KCNG3: variants seen among roughly 807,000 people sequenced by gnomAD.
KCNG3 encodes the protein potassium voltage-gated channel modifier subfamily G member 3, also known as voltage-gated potassium channel regulatory subunit KCNG3.
KCNG3 carries 15 observed loss-of-function variants against 29.0 expected under a neutral mutation model. The observed-to-expected ratio is 0.52, with a 90% CI of 0.35 to 0.80. The LOEUF (loss-of-function observed/expected upper bound fraction) is 0.80, where lower values mean the gene tolerates loss of function less well. Ranked by LOEUF, KCNG3 falls within the 30% of genes least tolerant of loss-of-function variation. The pLI is 0.01. For missense variants in KCNG3, 512 were observed against 605.7 expected (o/e 0.85, Z 1.62); for synonymous variants, 322 against 248.9 (o/e 1.29, Z -2.76).
intron 1 of KCNG3, among the ~76,000 whole-genome samples, chr2:42,446,509 A>G (rs1266696842): frequency 2.0e-5 from 3 of 152,136 alleles, no homozygotes; most frequent in Non-Finnish European, 4.4e-5. Flanking sequence ...ATTAAAATTT[A>G]TAATTATTAT....
the KCNG3 span, among the ~76,000 whole-genome samples, chr2:42,434,370 C>G: frequency 1.4e-5 from 2 of 139,754 alleles, no homozygotes; most frequent in Non-Finnish European, 3.0e-5. Context: ...ACAGGAAGAT[C>G]CTTTGAGCCC....
At chr2:42,461,080 G>A (rs527303758) in intron 1 of KCNG3, among the ~76,000 whole-genome samples, 1 of 147,914 alleles carries the variant, frequency 6.8e-6, no homozygotes, top group East Asian at 2.1e-4. Flanking sequence ...AGGATGGCGT[G>A]AACTCAGGAG....
downstream of KCNG3, among the ~76,000 whole-genome samples, chr2:42,438,480 T>C (rs565008132): frequency 2.0e-5 from 3 of 152,332 alleles, no homozygotes; most frequent in South Asian, 6.2e-4. Flanking sequence ...AGCCAAATAA[T>C]ATTCTCCCTT....
the KCNG3 span, among the ~76,000 whole-genome samples, chr2:42,404,708 AC>A: frequency 6.6e-6 from 1 of 152,194 alleles, no homozygotes; most frequent in Non-Finnish European, 1.5e-5. Flanking sequence ...AGCCTGGGCA[AC>A]GGAGGAAGAC....
At chr2:42,464,773 T>C (rs1293638012) in intron 1 of KCNG3, among the ~76,000 whole-genome samples, 3 of 152,206 alleles carry the variant, frequency 2.0e-5, no homozygotes, top group Non-Finnish European at 4.4e-5. Flanking sequence ...TCCACTAGCA[T>C]GGCTGAGCTT....
intron 1 of KCNG3, among the ~76,000 whole-genome samples, chr2:42,491,134 C>T (rs964281098): frequency 6.6e-6 from 1 of 152,076 alleles, no homozygotes; most frequent in Admixed American, 6.6e-5. Context: ...ATAAGCATTA[C>T]TTTTCTCCCT....
the KCNG3 span, among the ~76,000 whole-genome samples, chr2:42,405,607 T>C: frequency 5.3e-5 from 8 of 150,440 alleles, no homozygotes; most frequent in African/African-American, 2.0e-4. Context: ...TGTGACTAAT[T>C]TTTTTTTTTT....
chr2:42,481,523 T>C (rs546106105), intron 1 of KCNG3, among the ~76,000 whole-genome samples: 82 of 152,312 alleles, frequency 5.4e-4, no homozygotes, highest in Non-Finnish European at 9.3e-4. Flanking sequence ...CTTTTAAAAT[T>C]AAGCCAAATT....
chr2:42,482,877 T>A (rs187269672), intron 1 of KCNG3, among the ~76,000 whole-genome samples: 1 of 152,130 alleles, frequency 6.6e-6, no homozygotes, highest in Non-Finnish European at 1.5e-5. Context: ...TCCCAACACT[T>A]TGGGAGACCG....
chr2:42,447,998 C>T (rs908272421), intron 1 of KCNG3, among the ~76,000 whole-genome samples: 4 of 152,210 alleles, frequency 2.6e-5, no homozygotes, highest in Admixed American at 6.5e-5. Flanking sequence ...CACCCACAGG[C>T]AATGCATAGG....
At chr2:42,396,204 T>C in the KCNG3 span, among the ~76,000 whole-genome samples, 1 of 152,238 alleles carries the variant, frequency 6.6e-6, no homozygotes, top group Non-Finnish European at 1.5e-5. Flanking sequence ...CAGTTTTGCA[T>C]CATTGCAAAT....
the KCNG3 span, among the ~76,000 whole-genome samples, chr2:42,399,192 G>C: frequency 6.6e-6 from 1 of 151,468 alleles, no homozygotes; most frequent in Non-Finnish European, 1.5e-5. Flanking sequence ...GAGTAGCTGG[G>C]ACCATAGGCA....
intron 1 of KCNG3, among the ~76,000 whole-genome samples, chr2:42,491,402 C>T (rs1328693566): frequency 6.6e-6 from 1 of 152,052 alleles, no homozygotes; most frequent in Non-Finnish European, 1.5e-5. Flanking sequence ...TTCAATTCTC[C>T]TGTTTCCTTT....
intron 1 of KCNG3, among the ~76,000 whole-genome samples, chr2:42,478,428 A>G (rs1673496295): frequency 6.6e-6 from 1 of 151,876 alleles, no homozygotes; most frequent in African/African-American, 2.4e-5. Context: ...AAGAGGTCTC[A>G]TGATATTGCC....
the KCNG3 span, among the ~76,000 whole-genome samples, chr2:42,417,310 T>C: frequency 2.0e-4 from 30 of 152,176 alleles, no homozygotes; most frequent in East Asian, 5.4e-3. Context: ...TATTTATCAT[T>C]TGTAGGTGTG....
chr2:42,432,173 GC>G, the KCNG3 span, among the ~76,000 whole-genome samples: 1 of 152,156 alleles, frequency 6.6e-6, no homozygotes, highest in African/African-American at 2.4e-5. Context: ...ACCCCACAGT[GC>G]CCAGCACAGA....
chr2:42,412,371 T>G, the KCNG3 span, among the ~76,000 whole-genome samples: 26 of 152,232 alleles, frequency 1.7e-4, no homozygotes, highest in Admixed American at 1.7e-3. Flanking sequence ...TTGAAATTCT[T>G]GGAGTGACTT....
At chr2:42,416,609 G>A in the KCNG3 span, among the ~76,000 whole-genome samples, 42,975 of 150,790 alleles carry the variant, frequency 0.28, 6,561 homozygotes, top group East Asian at 0.57. Flanking sequence ...CAGGTGGATC[G>A]CTTGAGGCCA....
At chr2:42,433,107 C>T in the KCNG3 span, among the ~76,000 whole-genome samples, 2 of 152,258 alleles carry the variant, frequency 1.3e-5, no homozygotes, top group Non-Finnish European at 2.9e-5. Flanking sequence ...AGGATGTCCA[C>T]TTCTATTTGA....
Sources: allele counts gnomAD v4.1 joint callset (sites outside exome capture counted in the v4.1 genomes callset), GRCh38; gene constraint gnomAD v4.1.1; transcripts MANE v1.5; gene names NCBI Gene and HGNC (gene_info 2026-07-23, HGNC 2026-07-21).